Variants in PPP2R2C observed in about 807,000 individuals in gnomAD.
The protein encoded by PPP2R2C is protein phosphatase 2, regulatory subunit B, gamma.
A neutral mutation model predicts 45.3 loss-of-function variants in PPP2R2C; 10 were observed. That is an observed-to-expected ratio of 0.22 (90% CI 0.14 to 0.37). PPP2R2C has a LOEUF of 0.37. Ranked by LOEUF, PPP2R2C falls within the 10% of genes least tolerant of loss-of-function variation. PPP2R2C has a pLI of 1.00. For synonymous variants in PPP2R2C, 257 were observed against 245.4 expected (o/e 1.05, Z -0.44); for missense variants, 308 against 619.7 (o/e 0.50, Z 5.34).
rs1181652126 is a variant in PPP2R2C at position 6,332,731 on chromosome 4, G to C, written c.960+831C>G. 1.3e-5 allele frequency among the ~76,000 whole-genome samples: 2 copies of C among 152,164 alleles called. No individual in the cohort carries two copies. The highest frequency in any genetic ancestry group is 4.8e-5 in the African/African-American group (2 of 41,434). On this transcript the variant is annotated intron_variant, in intron 7 of 8. Coordinates refer to ENST00000382599, the MANE Select transcript of PPP2R2C (RefSeq NM_020416.4). This position sits in a 1 kb window ranked among gnomAD's most constrained non-coding sequence, Gnocchi z 4.9. ...GATGATGGCTCCTTGTCACCGGACAGTAAAGAATGGAGGTGACAGATGTCA... is the reference window on the plus strand; with the variant it reads ...GATGATGGCTCCTTGTCACCGGACACTAAAGAATGGAGGTGACAGATGTCA...
At chr4:6,498,747 C>CTAGG (rs1227086991) in intron 2 of PPP2R2C, among the ~76,000 whole-genome samples, 2 of 152,114 alleles carry the variant, frequency 1.3e-5, no homozygotes, top group African/African-American at 4.8e-5. Flanking sequence ...CCGGGCTGTG[C>CTAGG]TAGGGCCTGC....
intron 1 of PPP2R2C, among the ~76,000 whole-genome samples, chr4:6,432,094 C>T (rs1267950745): frequency 6.6e-6 from 1 of 152,158 alleles, no homozygotes; most frequent in Non-Finnish European, 1.5e-5. Flanking sequence ...TTTCAATATA[C>T]GAATTTGGGA....
At chr4:6,405,319 C>T (rs1260694439) in intron 1 of PPP2R2C, among the ~76,000 whole-genome samples, 1 of 152,246 alleles carries the variant, frequency 6.6e-6, no homozygotes, top group Non-Finnish European at 1.5e-5. Flanking sequence ...GCTGCTCCCA[C>T]CTCTGCCTGT....
At chr4:6,389,757 G>C (rs1716473519) in intron 1 of PPP2R2C, among the ~76,000 whole-genome samples, 1 of 152,180 alleles carries the variant, frequency 6.6e-6, no homozygotes, top group African/African-American at 2.4e-5. Context: ...ACAACTCCAA[G>C]ATGTTCTTGT....
chr4:6,384,865 TGCTGGTTGGAGTCTTG>T (rs1190911251), intron 1 of PPP2R2C: 2 of 985,108 alleles, frequency 2.0e-6, no homozygotes, highest in African/African-American at 1.7e-5. Context: ...CAGACAGAAG[TGCTGGTTGGAGTCTTG>T]GCTCCAGTGC....
intron 1 of PPP2R2C, chr4:6,384,424 A>G (rs1716079002): frequency 1.0e-6 from 1 of 984,622 alleles, no homozygotes; most frequent in African/African-American, 1.7e-5. Flanking sequence ...GGAACAAAAT[A>G]ATATTTCCTC....
At chr4:6,408,680 G>A (rs542090587) in intron 1 of PPP2R2C, among the ~76,000 whole-genome samples, 1 of 152,248 alleles carries the variant, frequency 6.6e-6, no homozygotes, top group African/African-American at 2.4e-5. Context: ...GCCTGGGCGG[G>A]GCCTGGGAAT....
At chr4:6,506,780 C>T (rs2108798320) in intron 2 of PPP2R2C, among the ~76,000 whole-genome samples, 1 of 152,282 alleles carries the variant, frequency 6.6e-6, no homozygotes, top group Admixed American at 6.5e-5. Flanking sequence ...CTGCACTCAT[C>T]TGAAGGCCCA....
chr4:6,498,906 C>T (rs935425825), intron 2 of PPP2R2C, among the ~76,000 whole-genome samples: 9 of 152,150 alleles, frequency 5.9e-5, no homozygotes, highest in Non-Finnish European at 1.0e-4. Flanking sequence ...GAAAAGGCAG[C>T]TAGACAGTAT....
chr4:6,451,831 CAA>C (rs1720753343), intron 1 of PPP2R2C, among the ~76,000 whole-genome samples: 3 of 152,084 alleles, frequency 2.0e-5, no homozygotes, highest in South Asian at 2.1e-4. Flanking sequence ...TTGAAACCCC[CAA>C]GAGAGAGAAA....
At chr4:6,365,179 A>G (rs1223210153) in intron 5 of PPP2R2C, among the ~76,000 whole-genome samples, 1 of 152,198 alleles carries the variant, frequency 6.6e-6, no homozygotes, top group African/African-American at 2.4e-5. Flanking sequence ...AACACAGAGA[A>G]GACTCTCGGC....
Position 6,441,703 on chromosome 4 carries a change from C to G in PPP2R2C, c.70+30457G>C, listed in dbSNP as rs138196328. The stretch of plus-strand genomic sequence containing the variant: ...ACTGCCCCAGTGAGGGGCAAAGGAG[C>G]CTTAAAGGTGAACTTGATAAGGAAT... On this transcript the variant is annotated intron_variant, in intron 1 of 8. Coordinates refer to ENST00000382599, the MANE Select transcript of PPP2R2C (RefSeq NM_020416.4). 4.8e-3 allele frequency among the ~76,000 whole-genome samples: 726 copies of G among 152,294 alleles called. 5 individuals carry two copies. Among genetic ancestry groups the G allele is most frequent in the Non-Finnish European group, 7.5e-3 (507 of 68,030 alleles).
chr4:6,380,918 T>G (rs1250581509), intron 2 of PPP2R2C, 79 bp downstream of exon 2: 6 of 1,447,078 alleles, frequency 4.1e-6, no homozygotes, highest in Non-Finnish European at 5.5e-6. Flanking sequence ...CTTATCCTTA[T>G]CCCCTCCCAC....
At chr4:6,472,029 A>AGGGGG in intron 1 of PPP2R2C, 131 bp downstream of exon 1, 1 of 841,840 alleles carries the variant, frequency 1.2e-6, no homozygotes. Flanking sequence ...GTGGGGTGGG[A>AGGGGG]TGGGGTGGGG....
intron 1 of PPP2R2C, among the ~76,000 whole-genome samples, chr4:6,464,877 T>G (rs1271101548): frequency 2.0e-5 from 2 of 100,372 alleles, no homozygotes; most frequent in African/African-American, 7.9e-5. Context: ...AGAAAGTGTG[T>G]GGGGGAGAGA....
intron 1 of PPP2R2C, among the ~76,000 whole-genome samples, chr4:6,417,556 T>C (rs1001260168): frequency 2.0e-5 from 3 of 152,342 alleles, no homozygotes; most frequent in South Asian, 2.1e-4. Context: ...CATGTTTCCA[T>C]GCCCAGTCTG....
At position 6,323,371 on chromosome 4, in the gene PPP2R2C, G is replaced by A. The variant is rs1435649483; in HGVS notation, c.1275C>T (p.Asn425=). 5 of 1,613,794 alleles carry A rather than the reference G, an allele frequency of 3.1e-6. No homozygotes were observed. The highest frequency in any genetic ancestry group is 4.2e-6 in the Non-Finnish European group (5 of 1,179,822). ...ILHTAWHPAE[N]IIAIAATNNL... Reference sequence around the variant, plus strand: ...TGTTGGTGGCGGCGATGGCAATGATGTTCTCAGCCGGGTGCCAGGCCGTGT... The same window carrying A: ...TGTTGGTGGCGGCGATGGCAATGATATTCTCAGCCGGGTGCCAGGCCGTGT... The change falls in exon 9 of 9, where the codon AAC becomes AAT. Residue 425 remains asparagine (N), a synonymous_variant. Coordinates refer to ENST00000382599, the MANE Select transcript of PPP2R2C (RefSeq NM_020416.4).
chr4:6,470,502 C>T (rs1006672153), intron 1 of PPP2R2C, among the ~76,000 whole-genome samples: 3 of 152,232 alleles, frequency 2.0e-5, no homozygotes, highest in African/African-American at 7.2e-5. Flanking sequence ...CACCGTCATC[C>T]CCAACGTAGA....
intron 5 of PPP2R2C, among the ~76,000 whole-genome samples, chr4:6,362,894 C>CA (rs34589910): frequency 4.6e-5 from 7 of 152,036 alleles, no homozygotes; most frequent in African/African-American, 1.2e-4. Flanking sequence ...CCCCTTTCCC[C>CA]TTTGACTTTG....
Sources: gnomAD v4.1 joint callset for allele counts (sites outside exome capture counted in the v4.1 genomes callset) on GRCh38, gnomAD v4.1.1 for gene constraint, Gnocchi (gnomAD v3.1) non-coding constraint, MANE v1.5 for transcripts, NCBI Gene and HGNC (gene_info 2026-07-23, HGNC 2026-07-21) for gene names.